The following NMNAT2 variants were observed in gnomAD, a reference collection of about 807,000 sequenced individuals.
NMNAT2 encodes nicotinamide nucleotide adenylyltransferase 2.
A neutral mutation model predicts 41.6 loss-of-function variants in NMNAT2; 11 were observed. The ratio of observed to expected loss-of-function variants is 0.26; its 90% CI spans 0.17 to 0.44. NMNAT2 has a LOEUF of 0.44. Among genes scored for constraint, NMNAT2 ranks in the 20% least tolerant of loss-of-function variants. NMNAT2 has a pLI of 1.00. For synonymous variants in NMNAT2, 148 were observed against 151.2 expected, an observed-to-expected ratio of 0.98 and a Z score of 0.16; for missense variants, 288 against 407.7, an observed-to-expected ratio of 0.71 and a Z score of 2.53.
chr1:183,389,828 GAAAGAAAGA>G (rs1648409219), intron 1 of NMNAT2, among the ~76,000 whole-genome samples: 1 of 53,008 alleles, frequency 1.9e-5, no homozygotes, highest in African/African-American at 6.2e-5. Context: ...AAGAAAGAAA[GAAAGAAAGA>G]AAGAAAGGAA....
rs545247726 is a variant in NMNAT2, at chr1:183,278,159, G to A, written c.651+394C>T. Among the ~76,000 whole-genome samples, 6 of 152,228 alleles carry A rather than the reference G, an allele frequency of 3.9e-5. No individual in the cohort carries two copies. In the South Asian group the frequency reaches 1.2e-3, roughly 32 times the overall value. Reference sequence around the variant, plus strand: ...CTCTGGACCAATTTTCTCTTTTTGAGGGGATTCCAGGATGGTATTTACCAC... The same window carrying A: ...CTCTGGACCAATTTTCTCTTTTTGAAGGGATTCCAGGATGGTATTTACCAC... On this transcript the variant is annotated intron_variant, in intron 8 of 10. Transcript: ENST00000287713.
intron 1 of NMNAT2, among the ~76,000 whole-genome samples, chr1:183,358,441 A>T (rs1050310246): frequency 6.6e-6 from 1 of 152,182 alleles, no homozygotes; most frequent in African/African-American, 2.4e-5. Context: ...AACTTAAAAA[A>T]CTAGAACATC....
intron 8 of NMNAT2, among the ~76,000 whole-genome samples, chr1:183,269,707 C>T (rs984002774): frequency 2.6e-5 from 4 of 152,224 alleles, no homozygotes; most frequent in African/African-American, 9.6e-5. Context: ...ATATGTGCCT[C>T]AGTTCTTATT....
intron 10 of NMNAT2, among the ~76,000 whole-genome samples, chr1:183,256,310 G>A (rs1321658341): frequency 6.6e-6 from 1 of 152,076 alleles, no homozygotes. Flanking sequence ...TTAGGAGGCT[G>A]AGGCAGGAGA....
In NMNAT2 at chr1:183,359,766, G is replaced by A. The variant is rs187815034; in HGVS notation, c.85+58417C>T. On this transcript the variant is annotated intron_variant, in intron 1 of 10. Coordinates refer to ENST00000287713, the MANE Select transcript of NMNAT2 (RefSeq NM_015039.4). ...AGACACGTGTGGCTCAGAGTCCAGTGGAGATGGGATTCAGGTGTGATTGAA... is the reference window on the plus strand; with the variant it reads ...AGACACGTGTGGCTCAGAGTCCAGTAGAGATGGGATTCAGGTGTGATTGAA... Among the ~76,000 whole-genome samples the A allele has an allele frequency of 3.9e-4, 60 of 152,310 alleles. 2 individuals carry two copies. In the East Asian group the frequency reaches 0.011, roughly 27 times the overall value.
chr1:183,283,688 G>A (rs947261284), intron 7 of NMNAT2: 7 of 414,546 alleles, frequency 1.7e-5, no homozygotes, highest in Non-Finnish European at 3.2e-5. Context: ...CCAAAAGAAG[G>A]GTCTTTCCAG....
chr1:183,293,657 A>T (rs748937793), intron 2 of NMNAT2, 48 bp downstream of exon 2: 4 of 1,368,092 alleles, frequency 2.9e-6, no homozygotes, highest in Non-Finnish European at 4.2e-6. Flanking sequence ...CAGGCCAGGG[A>T]TGGGGGGACG....
chr1:183,292,727 T>A (rs1661575977), intron 3 of NMNAT2, 63 bp downstream of exon 3: 7 of 1,461,414 alleles, frequency 4.8e-6, no homozygotes, highest in South Asian at 1.2e-5. Context: ...TCTTCTTTTT[T>A]CCCCACCCCA....
At chr1:183,393,397 G>A (rs1183854107) in intron 1 of NMNAT2, among the ~76,000 whole-genome samples, 3 of 152,004 alleles carry the variant, frequency 2.0e-5, no homozygotes, top group Admixed American at 6.5e-5. Flanking sequence ...CCCAGATGAT[G>A]AGTGCAAACT....
Position 183,404,950 on chromosome 1 carries a change from G to C in NMNAT2, c.85+13233C>G, listed in dbSNP as rs370480436. 6.6e-5 allele frequency among the ~76,000 whole-genome samples: 10 copies of C among 152,314 alleles called. No homozygotes were observed. In the East Asian group the frequency reaches 7.7e-4, roughly 12 times the overall value. ...CTAAAAGGATCTCAGGCCGGGCGAG[G>C]TGGCTTAAGCCTGTAATCCCAGCAC... On this transcript the variant is annotated intron_variant, in intron 1 of 10. Coordinates refer to ENST00000287713, the MANE Select transcript of NMNAT2 (RefSeq NM_015039.4).
chr1:183,406,812 CTTTTTTTTT>C (rs58394186), intron 1 of NMNAT2, among the ~76,000 whole-genome samples: 1 of 88,664 alleles, frequency 1.1e-5, no homozygotes, highest in Admixed American at 1.4e-4. Context: ...TCTGCCATTC[CTTTTTTTTT>C]TTTTTTTTTT....
intron 4 of NMNAT2, among the ~76,000 whole-genome samples, chr1:183,287,771 C>T (rs1661434919): frequency 6.6e-6 from 1 of 152,212 alleles, no homozygotes; most frequent in Non-Finnish European, 1.5e-5. Context: ...GCACGCTACC[C>T]TTTCTGGATT....
intron 1 of NMNAT2, among the ~76,000 whole-genome samples, chr1:183,312,366 G>T (rs1402804905): frequency 2.6e-5 from 4 of 151,704 alleles, no homozygotes; most frequent in Admixed American, 2.0e-4. Context: ...AAGTAGGTGG[G>T]ATTACAGTAG....
chr1:183,250,912 C>T lies in NMNAT2; in HGVS notation c.*1729G>A, dbSNP rs1188531867. On this transcript the variant is annotated 3_prime_UTR_variant, in exon 11 of 11. Transcript: ENST00000287713. ...CTTTGCTTTCAGGTCCCACCTGGCC[C>T]TTTCTGGCCGTAGCTGGTACTAGAT... is the stretch of plus-strand genomic sequence containing the variant. 6.6e-6 allele frequency: 1 copy of T among 152,542 alleles called. No individual in the cohort carries two copies. Among genetic ancestry groups the T allele is most frequent in the Non-Finnish European group, 1.5e-5 (1 of 68,032 alleles). 9.4% of individuals were successfully genotyped at this position (152,542 alleles called of 1,614,324 possible).
chr1:183,400,304 C>T (rs1166346018), intron 1 of NMNAT2, among the ~76,000 whole-genome samples: 1 of 152,150 alleles, frequency 6.6e-6, no homozygotes, highest in African/African-American at 2.4e-5. Flanking sequence ...GAGTGAACTC[C>T]CATTCACAAT....
In NMNAT2 at chr1:183,261,083, A is replaced by G; in HGVS notation, c.754-14T>C. ...CATGATGTTGTTCTGAGGACAGAGC[A>G]GACAGAGTCAGTTGCCAGTCCCTCC... On this transcript the variant is annotated splice_polypyrimidine_tract_variant and intron_variant, in intron 9 of 10. Transcript: ENST00000287713. 6.2e-7 allele frequency: 1 copy of G among 1,613,046 alleles called. No individual in the cohort carries two copies. The highest frequency in any genetic ancestry group is 1.1e-5 in the South Asian group (1 of 91,058).
At chr1:183,341,749 C>CAAAAAAAAAAAAAAAAAAAAAAAAAAAAA (rs1475480146) in intron 1 of NMNAT2, among the ~76,000 whole-genome samples, 2 of 31,680 alleles carry the variant, frequency 6.3e-5, no homozygotes, top group Non-Finnish European at 1.3e-4. Flanking sequence ...AAAAAAAAAC[C>CAAAAAAAAAAAAAAAAAAAAAAAAAAAAA]TGTTTCCTTC....
chr1:183,329,568 GATCATT>G (rs898898013), intron 1 of NMNAT2, among the ~76,000 whole-genome samples: 3 of 152,182 alleles, frequency 2.0e-5, no homozygotes, highest in Admixed American at 1.3e-4. Context: ...ACCCTGCTAA[GATCATT>G]ATTCAAGCCC....
At chr1:183,367,896 C>G (rs1207387518) in intron 1 of NMNAT2, among the ~76,000 whole-genome samples, 9 of 152,140 alleles carry the variant, frequency 5.9e-5, no homozygotes, top group Admixed American at 5.9e-4. Context: ...AGGTCTAGAG[C>G]AAAGCTATTC....
Sources: gnomAD v4.1 joint callset for allele counts (sites outside exome capture counted in the v4.1 genomes callset) on GRCh38, gnomAD v4.1.1 for gene constraint, MANE v1.5 for transcripts, NCBI Gene and HGNC (gene_info 2026-07-23, HGNC 2026-07-21) for gene names.